SLC4A9: variants seen among roughly 807,000 people sequenced by gnomAD.
The protein encoded by SLC4A9 is solute carrier family 4 member 9.
In SLC4A9, 102 loss-of-function variants were observed where a neutral mutation model predicts 103.2. The observed-to-expected ratio is 0.99, with a 90% CI of 0.84 to 1.17. The LOEUF is 1.17. Among genes scored for constraint, SLC4A9 ranks in the 50% most tolerant of loss-of-function variants. SLC4A9 has a pLI of 0.00. For synonymous variants in SLC4A9, 453 were observed against 483.6 expected, an observed-to-expected ratio of 0.94 and a Z score of 0.83; for missense variants, 1,091 against 1,193.7, an observed-to-expected ratio of 0.91 and a Z score of 1.27.
rs761539859 is a variant in SLC4A9 at position 140,367,435 on chromosome 5, C to T, written c.2029C>T (p.Arg677Cys). 9 of 1,611,824 alleles carry T rather than the reference C, an allele frequency of 5.6e-6. No individual in the cohort carries two copies. Among genetic ancestry groups the T allele is most frequent in the Admixed American group, 5.0e-5 (3 of 59,746 alleles). Residue 677 changes from arginine to cysteine, a missense_variant, in exon 15 of 22, where the codon CGT becomes TGT. Transcript: ENST00000506757. ...CCTCCTCCAGCCCACACTCCCTGGG[C>T]GTGGCTGGCTGGTGTCACCTTTTGG... ...PREFKPTLPG[R>C]GWLVSPFGAN...
intron 21 of SLC4A9, 59 bp downstream of exon 21, chr5:140,372,902 T>C (rs1768937114): frequency 2.9e-6 from 3 of 1,050,726 alleles, no homozygotes; most frequent in Admixed American, 2.8e-5. Context: ...GTTCAGACCT[T>C]GGAACTCTCC....
rs368040342 is a variant in SLC4A9, at chr5:140,363,010, G to C, written c.906G>C (p.Arg302=). 30 of 1,612,418 alleles carry C rather than the reference G, an allele frequency of 1.9e-5. No homozygotes were observed. The highest frequency in any genetic ancestry group is 6.7e-5 in the African/African-American group (5 of 74,804). ...AGGTGACAGTGCTTCCCCCAGGTCG[G>C]TGGGACCCAACAGCCCGGATTCCCC... ...LEEVTVLPPG[R]WDPTARIPPP... The change falls in exon 7 of 22, where the codon CGG becomes CGC. Residue 302 remains arginine (R), a synonymous_variant. Coordinates refer to ENST00000506757, the MANE Select transcript of SLC4A9 (RefSeq NM_031467.3). The surrounding 1 kb of genome is among the most constrained non-coding windows in gnomAD (Gnocchi z 4.5).
At position 140,367,486 on chromosome 5, in the gene SLC4A9, G is replaced by A. The variant is rs760113489; in HGVS notation, c.2080G>A (p.Ala694Thr). The change falls in exon 15 of 22, where the codon GCA (alanine) becomes ACA (threonine). Residue 694 changes from alanine to threonine, a missense_variant. Ala to Thr is a moderately conservative substitution (Grantham distance 58, BLOSUM62 0). Transcript: ENST00000506757. ...FGANPWWWSV[A>T]AALPALLLSI... Reference sequence around the variant, plus strand: ...AGCCAACCCCTGGTGGTGGAGTGTGGCAGCTGCCCTGCCTGCCCTGCTGCT... The same window carrying A: ...AGCCAACCCCTGGTGGTGGAGTGTGACAGCTGCCCTGCCTGCCCTGCTGCT... 3.1e-6 allele frequency: 5 copies of A among 1,606,804 alleles called. No individual in the cohort carries two copies. The East Asian group carries it at 1.1e-4, about 36-fold the overall frequency.
intron 14 of SLC4A9, among the ~76,000 whole-genome samples, chr5:140,367,086 G>A (rs1417750125): frequency 3.9e-5 from 6 of 152,208 alleles, no homozygotes; most frequent in African/African-American, 4.8e-5. Flanking sequence ...TGCCCCACCC[G>A]GGATAGGGGG....
chr5:140,365,722 C>A, intron 12 of SLC4A9, 112 bp from the exon 13 acceptor site: 1 of 1,427,924 alleles, frequency 7.0e-7, no homozygotes, highest in South Asian at 1.3e-5. Flanking sequence ...GGGAACTTCC[C>A]ATCCTGGGCC....
In SLC4A9 at chr5:140,371,515, G is replaced by A. The variant is rs559176841; in HGVS notation, c.2561G>A (p.Arg854Gln). 155 of 1,614,022 alleles carry A rather than the reference G, an allele frequency of 9.6e-5. 3 individuals are homozygous for A. The South Asian group carries it at 1.5e-3, about 15-fold the overall frequency. ...CACCAGCCAGACCTGCTACTCTTGC[G>A]GCATGTGCCTCTGACCAGGGTCCAC... The part of the protein sequence containing the change: ...AKHQPDLLLL[R>Q]HVPLTRVHLF... The change falls in exon 19 of 22, where the codon CGG becomes CAG. Residue 854 changes from arginine to glutamine, a missense_variant. Transcript: ENST00000506757.
intron 17 of SLC4A9, among the ~76,000 whole-genome samples, chr5:140,368,921 T>A (rs1768297291): frequency 6.6e-6 from 1 of 152,234 alleles, no homozygotes. Context: ...ACTCAAACGC[T>A]TATCCAATGG....
intron 3 of SLC4A9, 42 bp from the exon 4 acceptor site, chr5:140,361,766 C>T: frequency 6.2e-7 from 1 of 1,609,768 alleles, no homozygotes; most frequent in Admixed American, 1.7e-5. Context: ...GATCCACCCC[C>T]AAAGCCTGTG....
chr5:140,367,949 C>A, intron 16 of SLC4A9, 51 bp downstream of exon 16: 2 of 1,586,490 alleles, frequency 1.3e-6, no homozygotes, highest in Non-Finnish European at 1.7e-6. Context: ...CAAGGTAAGG[C>A]AAAGGGGAAC....
intron 17 of SLC4A9, among the ~76,000 whole-genome samples, chr5:140,369,876 C>T (rs1163646819): frequency 1.3e-5 from 2 of 151,870 alleles, no homozygotes; most frequent in African/African-American, 4.8e-5. Context: ...GTTGTGTGCA[C>T]CTGTAGTCTC....
rs773792193 is a variant in SLC4A9 at position 140,366,236 on chromosome 5, C to T, written c.1985C>T (p.Pro662Leu). Reference protein sequence around the residue: ...GLDAFLGLATPKLMVPREFKP... With the variant: ...GLDAFLGLATLKLMVPREFKP... The stretch of plus-strand genomic sequence containing the variant: ...GATGCTTTCCTGGGCCTAGCCACAC[C>T]AAAGCTCATGGTACCCAGAGAGTTC... The change falls in exon 14 of 22, where the codon CCA (proline) becomes CTA (leucine). Residue 662 changes from proline to leucine, a missense_variant. Pro to Leu is a moderately conservative substitution (Grantham distance 98). Transcript: ENST00000506757. 49 of 1,600,766 alleles carry T rather than the reference C, an allele frequency of 3.1e-5. No homozygotes were observed. Among genetic ancestry groups the T allele is most frequent in the Non-Finnish European group, 4.1e-5 (48 of 1,173,294 alleles).
Position 140,362,962 on chromosome 5 carries a change from A to G in SLC4A9, c.858A>G (p.Ala286=), listed in dbSNP as rs775111229. Residue 286 remains alanine, a synonymous_variant, in exon 7 of 22, where the codon GCA becomes GCG. Coordinates refer to ENST00000506757, the MANE Select transcript of SLC4A9 (RefSeq NM_031467.3). ...RRASNLHDLL[A]ALDAFLEEVT... ...CCAGCAACCTTCATGACCTTCTGGC[A>G]GCCCTGGATGCATTCCTAGAGGAGG... 2 of 1,613,582 alleles carry G rather than the reference A, an allele frequency of 1.2e-6. No individual in the cohort carries two copies. Among genetic ancestry groups the G allele is most frequent in the Non-Finnish European group, 8.5e-7 (1 of 1,179,718 alleles).
intron 1 of SLC4A9, 108 bp from the exon 2 acceptor site, chr5:140,360,704 G>A (rs1766934505): frequency 6.5e-7 from 1 of 1,539,608 alleles, no homozygotes; most frequent in Non-Finnish European, 8.8e-7. Context: ...TCACACCACT[G>A]GGCCCAGGAT....
chr5:140,364,020 C>A, intron 9 of SLC4A9, 34 bp from the exon 10 acceptor site: 1 of 1,529,538 alleles, frequency 6.5e-7, no homozygotes, highest in Admixed American at 2.1e-5. Context: ...CCGAGGACTT[C>A]AGGGTCCTGT....
chr5:140,361,384 G>A lies in SLC4A9; in HGVS notation c.505+17G>A. On this transcript the variant is annotated intron_variant, in intron 3 of 21. Coordinates refer to ENST00000506757, the MANE Select transcript of SLC4A9 (RefSeq NM_031467.3). Reference sequence around the variant, plus strand: ...CCTGCTGGGGTGAGAGCCCCTCCCTGGGCCCAGGACCAAGACCCTGGTGTG... The same window carrying A: ...CCTGCTGGGGTGAGAGCCCCTCCCTAGGCCCAGGACCAAGACCCTGGTGTG... 2 of 1,545,818 alleles carry A rather than the reference G, an allele frequency of 1.3e-6. No individual in the cohort carries two copies. The highest frequency in any genetic ancestry group is 2.4e-5 in the East Asian group (1 of 40,922).
chr5:140,374,321 A>G (rs1254057278), intron 21 of SLC4A9, among the ~76,000 whole-genome samples: 1 of 152,068 alleles, frequency 6.6e-6, no homozygotes, highest in East Asian at 1.9e-4. Flanking sequence ...GCACTTTGGG[A>G]GGCCGAGGCG....
At position 140,362,989 on chromosome 5, in the gene SLC4A9, G is replaced by T; in HGVS notation, c.885G>T (p.Val295=). 1 of 1,612,720 alleles carries T rather than the reference G, an allele frequency of 6.2e-7. No homozygotes were observed. The change falls in exon 7 of 22, where the codon GTG becomes GTT. Residue 295 remains valine (V), a synonymous_variant. Transcript: ENST00000506757. ...CCCTGGATGCATTCCTAGAGGAGGT[G>T]ACAGTGCTTCCCCCAGGTCGGTGGG... ...LAALDAFLEE[V]TVLPPGRWDP...
intron 3 of SLC4A9, 100 bp downstream of exon 3, chr5:140,361,467 C>A: frequency 1.0e-6 from 1 of 961,228 alleles, no homozygotes; most frequent in Non-Finnish European, 1.6e-6. Flanking sequence ...AGGCTTAGTT[C>A]AGGCTCCAAC....
At chr5:140,367,621 A>C in intron 15 of SLC4A9, 40 bp downstream of exon 15, 1 of 1,599,904 alleles carries the variant, frequency 6.3e-7, no homozygotes. Context: ...AAGGGACAGA[A>C]GCTCCAGGGG....
Sources: allele counts gnomAD v4.1 joint callset (sites outside exome capture counted in the v4.1 genomes callset), GRCh38; gene constraint gnomAD v4.1.1; non-coding constraint Gnocchi (gnomAD v3.1); transcripts MANE v1.5; gene names NCBI Gene and HGNC (gene_info 2026-07-23, HGNC 2026-07-21).